Variants in SUCLA2 observed in about 807,000 individuals in gnomAD.
The protein encoded by SUCLA2 is succinate--CoA ligase [ADP-forming] subunit beta, mitochondrial.
SUCLA2 carries 30 observed loss-of-function variants against 54.8 expected under a neutral mutation model. The observed-to-expected ratio is 0.55, with a 90% CI of 0.41 to 0.74. The LOEUF is 0.74. Ranked by LOEUF, SUCLA2 falls within the 30% of genes least tolerant of loss-of-function variation. The probability of loss-of-function intolerance (pLI) is 0.00; values close to 1 mark genes in which losing one functional copy is unlikely to be tolerated. For missense variants in SUCLA2, 476 were observed against 562.9 expected (o/e 0.85, Z 1.56); for synonymous variants, 172 against 188.9 (o/e 0.91, Z 0.74).
intron 2 of SUCLA2, chr13:47,991,721 T>C (rs1950150533): frequency 6.6e-6 from 1 of 152,182 alleles, no homozygotes; most frequent in Non-Finnish European, 1.5e-5. Flanking sequence ...ATGAACAGAA[T>C]TCTTATAAAT....
chr13:47,962,939 C>T (rs1949882804), intron 6 of SUCLA2, among the ~76,000 whole-genome samples: 1 of 152,316 alleles, frequency 6.6e-6, no homozygotes, highest in South Asian at 2.1e-4. Flanking sequence ...ATCACCACAT[C>T]CAGACAATGA....
chr13:47,989,263 T>A (rs928584057), intron 2 of SUCLA2, among the ~76,000 whole-genome samples: 2 of 150,166 alleles, frequency 1.3e-5, no homozygotes, highest in African/African-American at 4.9e-5. Context: ...CAGGCTGGAG[T>A]GCAGTGGCGC....
At chr13:47,966,432 T>G (rs1949918495) in intron 6 of SUCLA2, among the ~76,000 whole-genome samples, 1 of 151,664 alleles carries the variant, frequency 6.6e-6, no homozygotes, top group African/African-American at 2.4e-5. Flanking sequence ...TGCATAAGGA[T>G]CCACTCTTGG....
At chr13:47,953,069 GC>G (rs1949789037) in intron 8 of SUCLA2, among the ~76,000 whole-genome samples, 1 of 152,070 alleles carries the variant, frequency 6.6e-6, no homozygotes, top group African/African-American at 2.4e-5. Flanking sequence ...TAAGAGAAGG[GC>G]CCATGTATTT....
At chr13:47,986,671 T>C (rs1409973482) in intron 4 of SUCLA2, among the ~76,000 whole-genome samples, 2 of 152,236 alleles carry the variant, frequency 1.3e-5, no homozygotes, top group African/African-American at 4.8e-5. Flanking sequence ...AGAGTTTTTA[T>C]AGTTTTGAGT....
At chr13:47,946,722 C>A (rs773580108) in intron 10 of SUCLA2, among the ~76,000 whole-genome samples, 2 of 151,830 alleles carry the variant, frequency 1.3e-5, no homozygotes, top group Non-Finnish European at 2.9e-5. Context: ...GAAAGAAATG[C>A]AGATATAATT....
At chr13:47,981,603 A>G (rs1184293806) in intron 4 of SUCLA2, among the ~76,000 whole-genome samples, 2 of 152,172 alleles carry the variant, frequency 1.3e-5, no homozygotes, top group African/African-American at 4.8e-5. Context: ...GAACACCTGA[A>G]GTCAGGAGTT....
In SUCLA2 at chr13:47,996,825, CT is replaced by C; in HGVS notation, c.271+17del. 1.2e-6 allele frequency: 2 copies of C among 1,611,852 alleles called. No homozygotes were observed. The highest frequency in any genetic ancestry group is 1.7e-6 in the Non-Finnish European group (2 of 1,179,640). On this transcript the variant is annotated intron_variant, in intron 2 of 10. Coordinates refer to ENST00000646932, the MANE Select transcript of SUCLA2 (RefSeq NM_003850.3). ...AGCTCTCATGTCAAGGTGGCAAAAG[CT>C]TTTCTTAATTTAGTACCTAATTTTT...
chr13:47,943,766 G>GTGTGTGTGTATATATATA (rs1300486540), intron 10 of SUCLA2, among the ~76,000 whole-genome samples: 3 of 139,672 alleles, frequency 2.1e-5, no homozygotes, highest in African/African-American at 5.4e-5. Flanking sequence ...GTGTGTGTGT[G>GTGTGTGTGTATATATATA]TATATATATA....
At chr13:47,947,461 A>G (rs1486512311) in intron 10 of SUCLA2, among the ~76,000 whole-genome samples, 1 of 152,228 alleles carries the variant, frequency 6.6e-6, no homozygotes, top group Admixed American at 6.5e-5. Flanking sequence ...AATGTACTCC[A>G]TGGTAACAAA....
At chr13:47,971,074 AG>A (rs1441344439) in intron 5 of SUCLA2, among the ~76,000 whole-genome samples, 1 of 151,506 alleles carries the variant, frequency 6.6e-6, no homozygotes, top group East Asian at 2.0e-4. Flanking sequence ...ATAAAAAAAA[AG>A]AAATGTTTAA....
chr13:47,963,086 T>C (rs1367260277), intron 6 of SUCLA2, among the ~76,000 whole-genome samples: 1 of 152,160 alleles, frequency 6.6e-6, no homozygotes, highest in Admixed American at 6.5e-5. Context: ...GAGACTGAGA[T>C]CCTATCTCCT....
In SUCLA2 at chr13:47,968,671, C is replaced by T; in HGVS notation, c.726G>A (p.Lys242=). 6.2e-7 allele frequency: 1 copy of T among 1,612,032 alleles called. No homozygotes were observed. Among genetic ancestry groups the T allele is most frequent in the Non-Finnish European group, 8.5e-7 (1 of 1,179,866 alleles). Residue 242 remains lysine (K), a synonymous_variant, in exon 6 of 11, where the codon AAG becomes AAA. Coordinates refer to ENST00000646932, the MANE Select transcript of SUCLA2 (RefSeq NM_003850.3). ...CGTATTTCAGAAAAAGGCTGTAAAG[C>T]TTGACCATGTTTTCTGCTGCTGATT... ...IVESAAENMV[K]LYSLFLKYDA... is the part of the protein sequence containing the mutation.
chr13:47,952,150 T>C (rs892442695), intron 8 of SUCLA2, among the ~76,000 whole-genome samples: 4 of 152,138 alleles, frequency 2.6e-5, no homozygotes, highest in African/African-American at 9.7e-5. Context: ...TCTTACTCTG[T>C]CTGAATAGTC....
At chr13:47,951,172 A>G (rs1265343185) in intron 8 of SUCLA2, among the ~76,000 whole-genome samples, 2 of 152,168 alleles carry the variant, frequency 1.3e-5, no homozygotes, top group African/African-American at 4.8e-5. Context: ...ATCCTGGACT[A>G]GGCCAGAATG....
At position 47,968,733 on chromosome 13, in the gene SUCLA2, G is replaced by A. The variant is rs377112839; in HGVS notation, c.664C>T (p.Leu222Phe). The A allele has an allele frequency of 1.7e-5, 27 of 1,612,218 alleles. No individual in the cohort carries two copies. The highest frequency in any genetic ancestry group is 2.1e-5 in the Non-Finnish European group (25 of 1,179,832). Reference protein sequence around the residue: ...EGIKKEQALQLAQKMGFPPNI... With the variant: ...EGIKKEQALQFAQKMGFPPNI... Reference sequence around the variant, plus strand: ...GGTGGAAATCCCATCTTCTGTGCAAGCTGAAATCAATATGTCTTTTTATTA... The same window carrying A: ...GGTGGAAATCCCATCTTCTGTGCAAACTGAAATCAATATGTCTTTTTATTA... Residue 222 changes from leucine (L) to phenylalanine (F), a missense_variant and splice_region_variant, in exon 6 of 11, where the codon CTT becomes TTT. Physicochemically the swap from Leu to Phe is conservative, Grantham distance 22 (BLOSUM62 0). Around this residue, in one of 2 missense-constraint regions of SUCLA2, gnomAD observed 342 missense variants for 444.2 expected, o/e 0.77. Transcript: ENST00000646932.
chr13:47,963,529 C>T lies in SUCLA2; in HGVS notation c.802+5066G>A, dbSNP rs571139789. Among the ~76,000 whole-genome samples the T allele has an allele frequency of 2.1e-3, 327 of 152,224 alleles. 1 individual carries two copies. The highest frequency in any genetic ancestry group is 7.5e-3 in the African/African-American group (311 of 41,532). On this transcript the variant is annotated intron_variant, in intron 6 of 10. Transcript: ENST00000646932. ...GCATGGTGGCACGTGCCTGTAATCC[C>T]AGCTACTCGGGGGGCCGAGACAGGA...
In SUCLA2 at chr13:47,954,393, T is replaced by C. The variant is rs2137694449; in HGVS notation, c.964+3A>G. 1.2e-6 allele frequency: 2 copies of C among 1,613,966 alleles called. No individual in the cohort carries two copies. Among genetic ancestry groups the C allele is most frequent in the Non-Finnish European group, 1.7e-6 (2 of 1,179,880 alleles). On this transcript the variant is annotated splice_donor_region_variant and intron_variant, in intron 7 of 10. Coordinates refer to ENST00000646932, the MANE Select transcript of SUCLA2 (RefSeq NM_003850.3). ...CCAATTCTAACATAAAAACACATGG[T>C]ACCTAGGCAGCCTATATTTCCATCG...
intron 6 of SUCLA2, among the ~76,000 whole-genome samples, chr13:47,964,847 A>AC (rs1949905043): frequency 6.6e-6 from 1 of 151,402 alleles, no homozygotes; most frequent in African/African-American, 2.4e-5. Flanking sequence ...ACAGAGCAAG[A>AC]CCCCGTCTCA....
Sources: allele counts gnomAD v4.1 joint callset (sites outside exome capture counted in the v4.1 genomes callset), GRCh38; gene constraint gnomAD v4.1.1; regional missense constraint gnomAD v4.1.1; transcripts MANE v1.5; gene names NCBI Gene and HGNC (gene_info 2026-07-23, HGNC 2026-07-21).